The following ODAD2 variants were observed in gnomAD, a reference collection of about 807,000 sequenced individuals.
ODAD2 encodes the protein outer dynein arm-docking complex subunit 2.
ODAD2 carries 89 observed loss-of-function variants against 106.8 expected under a neutral mutation model. That is an observed-to-expected ratio of 0.83 (90% CI 0.70 to 0.99). ODAD2 has a LOEUF of 0.99. Ranked by LOEUF, ODAD2 falls within the 50% of genes least tolerant of loss-of-function variation. The pLI is 0.00. For missense variants in ODAD2, 1,168 were observed against 1,238.5 expected (o/e 0.94, Z 0.85); for synonymous variants, 404 against 436.2 (o/e 0.93, Z 0.92).
intron 7 of ODAD2, among the ~76,000 whole-genome samples, chr10:27,980,887 A>G (rs1849501822): frequency 6.6e-6 from 1 of 152,210 alleles, no homozygotes; most frequent in Non-Finnish European, 1.5e-5. Context: ...TATTCATAGC[A>G]GCATTATTCA....
intron 16 of ODAD2, among the ~76,000 whole-genome samples, chr10:27,910,698 A>C (rs1034801072): frequency 6.6e-6 from 1 of 152,174 alleles, no homozygotes; most frequent in African/African-American, 2.4e-5. Context: ...TGGAAGTTGC[A>C]GTGAGCCCAG....
intron 16 of ODAD2, among the ~76,000 whole-genome samples, chr10:27,916,941 T>C (rs1844420378): frequency 2.0e-5 from 3 of 152,068 alleles, no homozygotes; most frequent in South Asian, 2.1e-4. Context: ...ACAATCATGA[T>C]TGAAAATTTT....
chr10:27,981,694 T>G, intron 6 of ODAD2, 112 bp from the exon 7 acceptor site: 1 of 773,524 alleles, frequency 1.3e-6, no homozygotes. Context: ...GAAGGATCTA[T>G]ATGGTAGTTT....
chr10:27,819,574 TAAAAAAAAA>T (rs56031733), intron 19 of ODAD2, among the ~76,000 whole-genome samples: 1,690 of 74,024 alleles, frequency 0.023, 21 homozygotes, highest in African/African-American at 0.055. Flanking sequence ...CCCTGTCTCT[TAAAAAAAAA>T]AAAAAAAAAA....
intron 1 of ODAD2, among the ~76,000 whole-genome samples, chr10:27,996,097 TAGAA>T (rs751804600): frequency 1.3e-5 from 2 of 152,238 alleles, no homozygotes; most frequent in Non-Finnish European, 2.9e-5. Flanking sequence ...AGAGCCAAGT[TAGAA>T]AGCACGTTCT....
rs372904098 is a variant in ODAD2 at position 27,971,352 on chromosome 10, G to A, written c.937-39C>T. 14 of 1,480,034 alleles carry A rather than the reference G, an allele frequency of 9.5e-6. No individual in the cohort carries two copies. In the African/African-American group the frequency reaches 1.7e-4, roughly 18 times the overall value. The allele number at this position is 1,480,034 out of a possible 1,614,324, so 91.7% of individuals were successfully genotyped here. A position where few individuals can be genotyped will look rare whatever the true frequency, so the allele number is the denominator to read the frequency against. ...ATGAGAATAATTTTTAATGATATCT[G>A]AATTATCTAGTGTTCTCTGAAGATT... On this transcript the variant is annotated intron_variant, in intron 7 of 19. Coordinates refer to ENST00000305242, the MANE Select transcript of ODAD2 (RefSeq NM_018076.5).
intron 7 of ODAD2, among the ~76,000 whole-genome samples, chr10:27,973,611 G>A (rs1849001204): frequency 6.6e-6 from 1 of 151,950 alleles, no homozygotes; most frequent in African/African-American, 2.4e-5. Context: ...AAAAAGGACA[G>A]GATCACATTC....
At chr10:27,950,550 G>C (rs1052313982) in intron 10 of ODAD2, among the ~76,000 whole-genome samples, 1 of 152,142 alleles carries the variant, frequency 6.6e-6, no homozygotes, top group African/African-American at 2.4e-5. Context: ...GAATGGGTAA[G>C]GACAATACAA....
chr10:27,948,558 T>A (rs1847099772), intron 10 of ODAD2, among the ~76,000 whole-genome samples: 1 of 152,134 alleles, frequency 6.6e-6, no homozygotes, highest in Non-Finnish European at 1.5e-5. Context: ...AAGAACATAA[T>A]TATTTACCAA....
chr10:27,995,302 T>G, intron 1 of ODAD2, 122 bp from the exon 2 acceptor site: 1 of 1,109,592 alleles, frequency 9.0e-7, no homozygotes, highest in African/African-American at 1.6e-5. Context: ...TCTTGGAAGA[T>G]TCTTTTAACA....
chr10:27,975,715 G>A (rs1019806875), intron 7 of ODAD2, among the ~76,000 whole-genome samples: 16 of 151,938 alleles, frequency 1.1e-4, no homozygotes, highest in Admixed American at 3.3e-4. Flanking sequence ...TTAATAAACC[G>A]ACCAAACATT....
chr10:27,838,132 C>T (rs551604586), intron 19 of ODAD2, among the ~76,000 whole-genome samples: 4 of 152,186 alleles, frequency 2.6e-5, no homozygotes, highest in East Asian at 1.9e-4. Flanking sequence ...AAAACTCCAA[C>T]GTACTAATTC....
intron 17 of ODAD2, among the ~76,000 whole-genome samples, chr10:27,876,180 C>T (rs2133504283): frequency 6.6e-6 from 1 of 152,292 alleles, no homozygotes; most frequent in East Asian, 1.9e-4. Context: ...CCCTGTCTGA[C>T]AGCTTTGAAG....
chr10:27,876,219 T>G (rs1021672332), intron 17 of ODAD2, among the ~76,000 whole-genome samples: 1 of 152,148 alleles, frequency 6.6e-6, no homozygotes, highest in Admixed American at 6.5e-5. Context: ...GCACAGAGTT[T>G]GAGATCTGAG....
chr10:27,843,735 C>T (rs552083245), intron 19 of ODAD2, among the ~76,000 whole-genome samples: 1 of 152,104 alleles, frequency 6.6e-6, no homozygotes, highest in South Asian at 2.1e-4. Flanking sequence ...CCATTGCACT[C>T]CTGCCTGGGT....
At chr10:27,905,739 C>T (rs1380099315) in intron 17 of ODAD2, among the ~76,000 whole-genome samples, 2 of 152,134 alleles carry the variant, frequency 1.3e-5, no homozygotes, top group Non-Finnish European at 2.9e-5. Flanking sequence ...TGATCTTTGA[C>T]AAACCTGACA....
At chr10:27,891,446 A>G (rs1234149412) in intron 17 of ODAD2, among the ~76,000 whole-genome samples, 1 of 152,072 alleles carries the variant, frequency 6.6e-6, no homozygotes, top group Admixed American at 6.6e-5. Context: ...AAGTTTAGGA[A>G]GGTTACAAGG....
Position 27,907,702 on chromosome 10 carries a change from G to A in ODAD2, c.2571C>T (p.Ser857=), listed in dbSNP as rs535250584. The A allele has an allele frequency of 8.4e-5, 136 of 1,613,768 alleles. No individual in the cohort carries two copies. The highest frequency in any genetic ancestry group is 5.2e-4 in the South Asian group (47 of 91,064). ...TGCATGGACAGAGTGCCCATGCTGC[G>A]CTGGCCTTCACGTCTGGGTGAGGAT... is the stretch of plus-strand genomic sequence containing the variant. ...LKNPHPDVKA[S]AAWALCPCIK... Residue 857 remains serine, a synonymous_variant, in exon 17 of 20, where the codon AGC becomes AGT. Transcript: ENST00000305242.
chr10:27,982,694 G>C (rs76957305), intron 6 of ODAD2, among the ~76,000 whole-genome samples: 1 of 152,084 alleles, frequency 6.6e-6, no homozygotes, highest in South Asian at 2.1e-4. Context: ...GCAGTCCCCC[G>C]TGATGGCTGG....
Sources: gnomAD v4.1 joint callset for allele counts (sites outside exome capture counted in the v4.1 genomes callset) on GRCh38, gnomAD v4.1.1 for gene constraint, MANE v1.5 for transcripts, NCBI Gene and HGNC (gene_info 2026-07-23, HGNC 2026-07-21) for gene names.